HDAC9: variants seen among roughly 807,000 people sequenced by gnomAD.
HDAC9 encodes the protein histone deacetylase 9.
A neutral mutation model predicts 139.4 loss-of-function variants in HDAC9; 41 were observed. The observed-to-expected ratio is 0.29, with a 90% CI of 0.23 to 0.38. The LOEUF (loss-of-function observed/expected upper bound fraction) is 0.38, where lower values mean the gene tolerates loss of function less well. HDAC9 is among the 10% of genes least tolerant of loss of function. The pLI, the probability that HDAC9 is intolerant of heterozygous loss-of-function variation, is 1.00. For missense variants in HDAC9, 1,147 were observed against 1,297.0 expected (o/e 0.88, Z 1.78); for synonymous variants, 517 against 476.2 (o/e 1.09, Z -1.12).
chr7:18,663,306 G>A (rs1793784447), intron 11 of HDAC9, among the ~76,000 whole-genome samples: 1 of 152,112 alleles, frequency 6.6e-6, no homozygotes, highest in Non-Finnish European at 1.5e-5. Flanking sequence ...GAGAGGCCAT[G>A]TTGTGGCCAG....
At chr7:18,365,620 A>C (rs1784119998) in intron 1 of HDAC9, among the ~76,000 whole-genome samples, 1 of 143,928 alleles carries the variant, frequency 6.9e-6, no homozygotes, top group South Asian at 2.3e-4. Flanking sequence ...GAAAGGCTTG[A>C]CTTTTATAGT....
intron 1 of HDAC9, among the ~76,000 whole-genome samples, chr7:18,338,540 ACTT>A (rs1781756166): frequency 6.6e-6 from 1 of 151,614 alleles, no homozygotes; most frequent in African/African-American, 2.4e-5. Flanking sequence ...AGTATTTCCT[ACTT>A]CTACTGAAAA....
chr7:18,282,528 T>G (rs978669236), intron 2 of HDAC9, among the ~76,000 whole-genome samples: 3 of 152,132 alleles, frequency 2.0e-5, no homozygotes, highest in Non-Finnish European at 4.4e-5. Context: ...CCGGGACCCT[T>G]TTTTGAAAGG....
At chr7:18,912,169 G>A (rs904369627) in intron 22 of HDAC9, among the ~76,000 whole-genome samples, 11 of 151,980 alleles carry the variant, frequency 7.2e-5, no homozygotes, top group African/African-American at 2.7e-4. Flanking sequence ...GGGTGCTCCA[G>A]TGTTGGGTAT....
At chr7:18,087,307 C>G (rs895486197) in intron 1 of HDAC9, 1 of 152,210 alleles carries the variant, frequency 6.6e-6, no homozygotes, top group East Asian at 1.9e-4. Context: ...GCGGTATTCC[C>G]TTCTCGGGTT....
intron 1 of HDAC9, among the ~76,000 whole-genome samples, chr7:18,344,113 A>G (rs1782220715): frequency 6.6e-6 from 1 of 151,802 alleles, no homozygotes; most frequent in Non-Finnish European, 1.5e-5. Flanking sequence ...GAAAATATTC[A>G]GTTTCTTAGC....
intron 1 of HDAC9, among the ~76,000 whole-genome samples, chr7:18,418,136 C>T (rs113451979): frequency 7.0e-4 from 106 of 152,208 alleles, no homozygotes; most frequent in African/African-American, 2.4e-3. Flanking sequence ...TCTTGAAAAC[C>T]GTTGCTCAGC....
chr7:18,819,018 G>C (rs191294692), intron 17 of HDAC9, among the ~76,000 whole-genome samples: 6 of 152,252 alleles, frequency 3.9e-5, no homozygotes, highest in African/African-American at 1.4e-4. Context: ...AGTGGCTCAT[G>C]CCTGTAATGC....
chr7:18,567,934 C>G (rs916863480), intron 2 of HDAC9, among the ~76,000 whole-genome samples: 4 of 150,834 alleles, frequency 2.7e-5, no homozygotes, highest in African/African-American at 9.7e-5. Context: ...CCTTTAATTT[C>G]TAACCATCCC....
intron 2 of HDAC9, among the ~76,000 whole-genome samples, chr7:18,183,944 T>A (rs2128143240): frequency 6.6e-6 from 1 of 152,356 alleles, no homozygotes; most frequent in Non-Finnish European, 1.5e-5. Context: ...AAGTCACTAT[T>A]AAATAATCCA....
At chr7:18,130,251 A>T (rs1784917883) in intron 1 of HDAC9, among the ~76,000 whole-genome samples, 1 of 152,022 alleles carries the variant, frequency 6.6e-6, no homozygotes. Context: ...AGCATTTTGG[A>T]TTTCAGATTT....
intron 6 of HDAC9, among the ~76,000 whole-genome samples, chr7:18,603,476 T>G (rs958509558): frequency 1.3e-5 from 2 of 152,096 alleles, no homozygotes; most frequent in Non-Finnish European, 2.9e-5. Flanking sequence ...TATGTTTCAG[T>G]GGTTTCTCTA....
chr7:18,710,118 G>A lies in HDAC9; in HGVS notation c.1732-17462G>A, dbSNP rs146998930. 7.7e-4 allele frequency among the ~76,000 whole-genome samples: 117 copies of A among 152,282 alleles called. 1 individual carries two copies. The highest frequency in any genetic ancestry group is 2.7e-3 in the African/African-American group (112 of 41,556). ...AGCAGGCAAAAGAGCATGTGCAGGG[G>A]AACTGCGCTATATAAAACCATCAGA... On this transcript the variant is annotated intron_variant, in intron 12 of 25. Transcript: ENST00000686413.
intron 7 of HDAC9, among the ~76,000 whole-genome samples, chr7:18,630,481 C>T (rs3801985): frequency 0.055 from 8,364 of 151,990 alleles, 412 homozygotes; most frequent in Admixed American, 0.15. Flanking sequence ...GTGGTAGAAA[C>T]GTGTATTTAG....
intron 6 of HDAC9, among the ~76,000 whole-genome samples, chr7:18,628,326 C>T (rs1217073956): frequency 6.6e-6 from 1 of 152,102 alleles, no homozygotes; most frequent in South Asian, 2.1e-4. Context: ...TTGGTTTCCT[C>T]ATTGATCTAA....
In HDAC9 at chr7:18,935,831, A is replaced by G. The variant is rs1460296898; in HGVS notation, c.2826A>G (p.Gln942=). The change falls in exon 23 of 26, where the codon CAA becomes CAG. Residue 942 remains glutamine (Q), a synonymous_variant. Transcript: ENST00000686413. ...TAKCFGHLTK[Q]LMTLADGRVV... is the part of the protein sequence containing the mutation. The stretch of plus-strand genomic sequence containing the variant: ...TAGGTTTTGGTCATTTGACGAAGCA[A>G]TTGATGACATTGGCTGATGGACGTG... 1.2e-6 allele frequency: 2 copies of G among 1,613,722 alleles called. No homozygotes were observed. Among genetic ancestry groups the G allele is most frequent in the Non-Finnish European group, 1.7e-6 (2 of 1,179,708 alleles).
At chr7:18,503,817 C>CA (rs1488594750) in intron 2 of HDAC9, among the ~76,000 whole-genome samples, 11 of 152,254 alleles carry the variant, frequency 7.2e-5, no homozygotes, top group Admixed American at 2.0e-4. Flanking sequence ...ATTATTGACC[C>CA]AGTTGCAGCC....
Position 18,882,118 on chromosome 7 carries a change from G to T in HDAC9, c.2803+7522G>T, listed in dbSNP as rs903097520. On this transcript the variant is annotated intron_variant, in intron 22 of 25. Transcript: ENST00000686413. Reference sequence around the variant, plus strand: ...TTTTAAAAACGAGTAAGGCTAAAAAGAATCCATGATTTTTTTAAAGTAAGT... The same window carrying T: ...TTTTAAAAACGAGTAAGGCTAAAAATAATCCATGATTTTTTTAAAGTAAGT... 5.3e-5 allele frequency among the ~76,000 whole-genome samples: 8 copies of T among 152,072 alleles called. No homozygotes were observed. In the East Asian group the frequency reaches 1.3e-3, roughly 26 times the overall value.
intron 25 of HDAC9, among the ~76,000 whole-genome samples, chr7:18,994,664 C>G (rs1341803565): frequency 1.3e-5 from 2 of 152,052 alleles, no homozygotes; most frequent in African/African-American, 4.8e-5. Flanking sequence ...TGGTTAAAAT[C>G]TTTCTTTTAA....
Sources: gnomAD v4.1 joint callset for allele counts (sites outside exome capture counted in the v4.1 genomes callset) on GRCh38, gnomAD v4.1.1 for gene constraint, MANE v1.5 for transcripts, NCBI Gene and HGNC (gene_info 2026-07-23, HGNC 2026-07-21) for gene names.